Variants in SVIL observed in about 807,000 individuals in gnomAD.
SVIL encodes archvillin.
SVIL carries 101 observed loss-of-function variants against 240.4 expected under a neutral mutation model. The observed-to-expected ratio is 0.42, with a 90% CI of 0.36 to 0.50. The LOEUF is 0.50. Ranked by LOEUF, SVIL falls within the 20% of genes least tolerant of loss-of-function variation. The pLI, the probability that SVIL is intolerant of heterozygous loss-of-function variation, is 0.01. For missense variants in SVIL, 2,512 were observed against 2,818.7 expected (o/e 0.89, Z 2.46); for synonymous variants, 999 against 1,100.0 (o/e 0.91, Z 1.82).
At chr10:29,607,959 C>T (rs948150485) in intron 1 of SVIL, among the ~76,000 whole-genome samples, 7 of 152,188 alleles carry the variant, frequency 4.6e-5, no homozygotes, top group Non-Finnish European at 8.8e-5. Context: ...TAATATGAGA[C>T]GAATAATTTG....
intron 11 of SVIL, 40 bp downstream of exon 11, chr10:29,530,567 C>G: frequency 6.2e-7 from 1 of 1,611,934 alleles, no homozygotes; most frequent in Non-Finnish European, 8.5e-7. Context: ...ATTACTGCAC[C>G]CAGTAGGGAT....
chr10:29,560,310 C>A (rs925175503), intron 3 of SVIL, among the ~76,000 whole-genome samples: 2 of 152,122 alleles, frequency 1.3e-5, no homozygotes, highest in African/African-American at 4.8e-5. Flanking sequence ...CTGGCTGTGC[C>A]GATGGAGGCA....
chr10:29,606,208 C>G (rs1957016599), intron 1 of SVIL, among the ~76,000 whole-genome samples: 1 of 151,968 alleles, frequency 6.6e-6, no homozygotes, highest in South Asian at 2.1e-4. Flanking sequence ...AGCTCCCGGC[C>G]TATTTTTAAA....
chr10:29,541,700 C>T (rs570672586), intron 6 of SVIL, among the ~76,000 whole-genome samples: 3 of 152,232 alleles, frequency 2.0e-5, no homozygotes, highest in African/African-American at 4.8e-5. Context: ...GCTGGATTGG[C>T]ATCCCCTCAT....
Position 29,554,917 on chromosome 10 carries a change from C to T in SVIL, c.26G>A (p.Arg9Lys). 1 of 1,611,642 alleles carries T rather than the reference C, an allele frequency of 6.2e-7. No homozygotes were observed. Among genetic ancestry groups the T allele is most frequent in the Non-Finnish European group, 8.5e-7 (1 of 1,178,976 alleles). The part of the protein sequence containing the change: MKRKERIA[R>K]RLEGIENDTQ... ...GTCATTTTCAATCCCTTCCAGGCGCCTGGCAATTCTTTCTTTTCTGTGAAA... is the reference window on the plus strand; with the variant it reads ...GTCATTTTCAATCCCTTCCAGGCGCTTGGCAATTCTTTCTTTTCTGTGAAA... The change falls in exon 5 of 38, where the codon AGG (arginine) becomes AAG (lysine). Residue 9 changes from arginine (R) to lysine (K), a missense_variant. Physicochemically the swap from Arg to Lys is conservative, Grantham distance 26. Transcript: ENST00000355867.
intron 1 of SVIL, among the ~76,000 whole-genome samples, chr10:29,726,713 C>G (rs940040843): frequency 6.6e-6 from 1 of 152,034 alleles, no homozygotes; most frequent in African/African-American, 2.4e-5. Flanking sequence ...CGCTGCTGCA[C>G]TCTGGCCTGG....
intron 1 of SVIL, among the ~76,000 whole-genome samples, chr10:29,729,263 G>A (rs1203071575): frequency 6.6e-6 from 1 of 152,162 alleles, no homozygotes; most frequent in Admixed American, 6.5e-5. Flanking sequence ...TGGAAAAAGA[G>A]GAAACAGGCT....
chr10:29,478,805 G>A (rs1946490553), intron 29 of SVIL, among the ~76,000 whole-genome samples: 1 of 151,162 alleles, frequency 6.6e-6, no homozygotes, highest in African/African-American at 2.4e-5. Context: ...TATGCCTGTA[G>A]TCCCAGCTAC....
At chr10:29,537,208 C>A (rs1951805174) in intron 6 of SVIL, among the ~76,000 whole-genome samples, 1 of 151,970 alleles carries the variant, frequency 6.6e-6, no homozygotes, top group Admixed American at 6.6e-5. Context: ...ATAATGTGAC[C>A]AACACAAGAG....
At chr10:29,736,041 G>A (rs989094607), upstream of SVIL, among the ~76,000 whole-genome samples, 7 of 152,148 alleles carry the variant, frequency 4.6e-5, no homozygotes, top group African/African-American at 1.7e-4. Flanking sequence ...GGACACAGAG[G>A]GGGGCCAAGC....
At chr10:29,499,786 C>A (rs117990968) in intron 17 of SVIL, among the ~76,000 whole-genome samples, 1 of 134,854 alleles carries the variant, frequency 7.4e-6, no homozygotes, top group Non-Finnish European at 1.7e-5. Flanking sequence ...ACTCTGCTTG[C>A]TTTTTCCTGC....
intron 1 of SVIL, among the ~76,000 whole-genome samples, chr10:29,702,993 T>TA (rs1005244563): frequency 2.2e-4 from 33 of 151,338 alleles, no homozygotes; most frequent in Middle Eastern, 3.4e-3. Flanking sequence ...CACTTTGCTG[T>TA]AAAAAAAAAG....
At chr10:29,643,161 T>C (rs1958544032) in intron 3 of SVIL, among the ~76,000 whole-genome samples, 1 of 152,196 alleles carries the variant, frequency 6.6e-6, no homozygotes, top group Non-Finnish European at 1.5e-5. Context: ...GGCCTCACTG[T>C]CCATTTCTCA....
intron 3 of SVIL, among the ~76,000 whole-genome samples, chr10:29,648,960 A>C (rs1958752021): frequency 6.6e-6 from 1 of 151,980 alleles, no homozygotes. Context: ...CAACACACTA[A>C]GGCACCCGTC....
chr10:29,582,725 C>T (rs1469048297), intron 1 of SVIL, among the ~76,000 whole-genome samples: 3 of 132,968 alleles, frequency 2.3e-5, no homozygotes, highest in Non-Finnish European at 3.2e-5. Context: ...GAGTGAGACC[C>T]TGTCTCTAAT....
rs750340118 is a variant in SVIL, at chr10:29,495,154, G to A, written c.3692C>T (p.Pro1231Leu). ...KGLASPTAIT[P>L]VASPICGKTR... ...TTTACCGCAAATGGGTGAGGCTACT[G>A]GGGTTATGGCAGTAGGTGACGCCAA... Residue 1231 changes from proline to leucine, a missense_variant, in exon 19 of 38, where the codon CCA becomes CTA. Pro to Leu is a moderately conservative substitution (Grantham distance 98). Coordinates refer to ENST00000355867, the MANE Select transcript of SVIL (RefSeq NM_021738.3). 4 of 1,538,056 alleles carry A rather than the reference G, an allele frequency of 2.6e-6. No homozygotes were observed. The highest frequency in any genetic ancestry group is 3.6e-6 in the Non-Finnish European group (4 of 1,121,708).
At chr10:29,734,582 T>C (rs534740517) in intron 1 of SVIL, among the ~76,000 whole-genome samples, 2 of 152,296 alleles carry the variant, frequency 1.3e-5, no homozygotes, top group Admixed American at 1.3e-4. Flanking sequence ...GGAGAGTCCC[T>C]GGTCCATTAG....
intron 26 of SVIL, 21 bp downstream of exon 26, chr10:29,486,064 G>A (rs745622620): frequency 3.1e-6 from 5 of 1,613,080 alleles, no homozygotes; most frequent in African/African-American, 1.3e-5. Flanking sequence ...CTCACTGAAG[G>A]GCAGAGCCCA....
intron 5 of SVIL, among the ~76,000 whole-genome samples, chr10:29,554,325 A>G (rs1953698269): frequency 6.6e-6 from 1 of 151,918 alleles, no homozygotes; most frequent in Non-Finnish European, 1.5e-5. Flanking sequence ...AAATAAAAAT[A>G]AAAATAAACA....
Sources: allele counts gnomAD v4.1 joint callset (sites outside exome capture counted in the v4.1 genomes callset), GRCh38; gene constraint gnomAD v4.1.1; transcripts MANE v1.5; gene names NCBI Gene and HGNC (gene_info 2026-07-23, HGNC 2026-07-21).